The following RPS6KB1 variants were observed in gnomAD, a reference collection of about 807,000 sequenced individuals.
RPS6KB1 encodes ribosomal protein S6 kinase B1.
In RPS6KB1, 12 loss-of-function variants were observed where a neutral mutation model predicts 70.2. That is an observed-to-expected ratio of 0.17 (90% CI 0.11 to 0.28). The LOEUF (loss-of-function observed/expected upper bound fraction) is 0.28, where lower values mean the gene tolerates loss of function less well. Ranked by LOEUF, RPS6KB1 falls within the 10% of genes least tolerant of loss-of-function variation. The probability of loss-of-function intolerance (pLI) is 1.00; values close to 1 mark genes in which losing one functional copy is unlikely to be tolerated. For synonymous variants in RPS6KB1, 175 were observed against 211.2 expected (o/e 0.83, Z 1.49); for missense variants, 270 against 646.6 (o/e 0.42, Z 6.32).
chr17:59,918,601 C>T (rs900694594), intron 4 of RPS6KB1, among the ~76,000 whole-genome samples: 9 of 152,122 alleles, frequency 5.9e-5, no homozygotes, highest in Admixed American at 5.2e-4. Context: ...AACTCCTGAC[C>T]TCAGGCAAAA....
intron 1 of RPS6KB1, among the ~76,000 whole-genome samples, chr17:59,897,089 A>G (rs1475778145): frequency 1.3e-5 from 2 of 152,220 alleles, no homozygotes; most frequent in Non-Finnish European, 2.9e-5. Context: ...AGGCCATATG[A>G]TAGCCAAAGA....
chr17:59,896,916 T>TAA (rs770295990), intron 1 of RPS6KB1, among the ~76,000 whole-genome samples: 5 of 135,826 alleles, frequency 3.7e-5, no homozygotes, highest in African/African-American at 1.3e-4. Context: ...TACCCTGAAA[T>TAA]AAAAAAAAAA....
intron 5 of RPS6KB1, among the ~76,000 whole-genome samples, chr17:59,929,366 A>G (rs537568259): frequency 5.3e-5 from 8 of 152,286 alleles, no homozygotes; most frequent in African/African-American, 1.9e-4. Flanking sequence ...CCCAAAGTGT[A>G]GGGATTACAG....
chr17:59,928,093 G>C (rs1031339810), intron 5 of RPS6KB1, among the ~76,000 whole-genome samples: 22 of 151,878 alleles, frequency 1.4e-4, no homozygotes, highest in Non-Finnish European at 2.9e-4. Flanking sequence ...GGGAGACGGA[G>C]GTTGTGGTGA....
At chr17:59,899,108 G>T (rs904411362) in intron 1 of RPS6KB1, among the ~76,000 whole-genome samples, 2 of 151,762 alleles carry the variant, frequency 1.3e-5, no homozygotes, top group Admixed American at 6.6e-5. Context: ...GGAGGCTGAG[G>T]CAGGAGAATC....
rs973503254 is a variant in RPS6KB1, at chr17:59,893,702, G to T, written c.141+377G>T. ...GGTGTCCCGTAAGTGCAGGCGAAGT[G>T]TGGAGGGTTTCCCTTCGAGTCTAGA... On this transcript the variant is annotated intron_variant, in intron 1 of 14. Coordinates refer to ENST00000225577, the MANE Select transcript of RPS6KB1 (RefSeq NM_003161.4). This position sits in a 1 kb window ranked among gnomAD's most constrained non-coding sequence, Gnocchi z 4.1. 2.2e-6 allele frequency: 2 copies of T among 891,266 alleles called. No individual in the cohort carries two copies. Among genetic ancestry groups the T allele is most frequent in the African/African-American group, 3.6e-5 (2 of 55,642 alleles). The allele number at this position is 891,266 out of a possible 1,614,324, so 55.2% of individuals were successfully genotyped here. A position where few individuals can be genotyped will look rare whatever the true frequency, so the allele number is the denominator to read the frequency against.
At chr17:59,936,995 G>T (rs760082021) in intron 12 of RPS6KB1, among the ~76,000 whole-genome samples, 1 of 152,036 alleles carries the variant, frequency 6.6e-6, no homozygotes, top group Admixed American at 6.6e-5. Flanking sequence ...AAATAGCTAC[G>T]ACTACAGACA....
intron 1 of RPS6KB1, among the ~76,000 whole-genome samples, chr17:59,901,541 G>A (rs924725766): frequency 6.9e-6 from 1 of 144,030 alleles, no homozygotes; most frequent in African/African-American, 2.6e-5. Context: ...TGTAATCCCA[G>A]TACTTTGGGA....
At chr17:59,906,708 G>GTTTT (rs1308442840) in intron 1 of RPS6KB1, among the ~76,000 whole-genome samples, 3 of 151,704 alleles carry the variant, frequency 2.0e-5, no homozygotes, top group African/African-American at 7.3e-5. Context: ...TTGTTTGTTT[G>GTTTT]TTTTGAGATG....
chr17:59,900,922 G>A (rs1184449791), intron 1 of RPS6KB1, among the ~76,000 whole-genome samples: 2 of 151,510 alleles, frequency 1.3e-5, no homozygotes, highest in African/African-American at 2.4e-5. Context: ...AGTACTTTGG[G>A]AGGCCAAGGC....
rs2044982952 is a variant in RPS6KB1, at chr17:59,947,297, T to C, written c.*509T>C. The C allele has an allele frequency of 3.1e-6, 3 of 972,690 alleles. No homozygotes were observed. Among genetic ancestry groups the C allele is most frequent in the Admixed American group, 6.6e-5 (1 of 15,156 alleles). 60.3% of individuals were successfully genotyped at this position (972,690 alleles called of 1,614,324 possible). A position where few individuals can be genotyped will look rare whatever the true frequency, so the allele number is the denominator to read the frequency against. The stretch of plus-strand genomic sequence containing the variant: ...TTTTACGTGCAAACAACCTGAATCT[T>C]TTTTTTATATAAATATATATTTTTC... On this transcript the variant is annotated 3_prime_UTR_variant, in exon 15 of 15. Coordinates refer to ENST00000225577, the MANE Select transcript of RPS6KB1 (RefSeq NM_003161.4).
intron 6 of RPS6KB1, among the ~76,000 whole-genome samples, chr17:59,930,638 T>C (rs1399522481): frequency 6.6e-6 from 1 of 152,196 alleles, no homozygotes; most frequent in Non-Finnish European, 1.5e-5. Context: ...TTTCTAAACA[T>C]GTCATCTGCT....
In RPS6KB1 at chr17:59,936,566, T is replaced by C. The variant is rs947003385; in HGVS notation, c.1119+25T>C. On this transcript the variant is annotated intron_variant, in intron 12 of 14. Transcript: ENST00000225577. ...GGTAAGTATACATGAAAGTGTATAA[T>C]TGGGTGCAGTGGCTCACGCCTGTAA... is the stretch of plus-strand genomic sequence containing the variant. The C allele has an allele frequency of 5.7e-6, 9 of 1,579,894 alleles. No homozygotes were observed. The African/African-American group carries it at 9.4e-5, about 17-fold the overall frequency.
chr17:59,923,092 G>T (rs183644133), intron 4 of RPS6KB1, among the ~76,000 whole-genome samples: 1 of 151,768 alleles, frequency 6.6e-6, no homozygotes, highest in African/African-American at 2.4e-5. Context: ...TTGAACTCCT[G>T]ACCTCATGAT....
intron 1 of RPS6KB1, among the ~76,000 whole-genome samples, chr17:59,899,341 T>C (rs1229865419): frequency 1.3e-5 from 2 of 152,178 alleles, no homozygotes; most frequent in East Asian, 3.8e-4. Context: ...GTGCCTCAAA[T>C]GCTTCTGTCC....
At chr17:59,898,262 G>T (rs942995608) in intron 1 of RPS6KB1, among the ~76,000 whole-genome samples, 1 of 151,968 alleles carries the variant, frequency 6.6e-6, no homozygotes, top group Admixed American at 6.6e-5. Context: ...AAATAATCAC[G>T]CAGGCTTACT....
In RPS6KB1 at chr17:59,934,050, A is replaced by G; in HGVS notation, c.689-120A>G. ...ATGGTACCTTGTTCTTGACATCTGC[A>G]AGAAAATTTGAGGCAAGAAAAGTTA... On this transcript the variant is annotated intron_variant, in intron 7 of 14. Transcript: ENST00000225577. The surrounding 1 kb of genome is among the most constrained non-coding windows in gnomAD (Gnocchi z 4.8). 1.4e-6 allele frequency: 1 copy of G among 717,084 alleles called. No homozygotes were observed. The highest frequency in any genetic ancestry group is 2.5e-6 in the Non-Finnish European group (1 of 406,132). 44.4% of individuals were successfully genotyped at this position (717,084 alleles called of 1,614,324 possible).
intron 7 of RPS6KB1, among the ~76,000 whole-genome samples, chr17:59,933,879 G>A (rs942775101): frequency 6.6e-6 from 1 of 152,140 alleles, no homozygotes; most frequent in African/African-American, 2.4e-5. Flanking sequence ...GGATGGTAGA[G>A]AATTTTGTAT....
intron 4 of RPS6KB1, 69 bp downstream of exon 4, chr17:59,914,772 G>A: frequency 8.6e-7 from 1 of 1,160,518 alleles, no homozygotes; most frequent in Non-Finnish European, 1.3e-6. Context: ...CCAAAAGGCT[G>A]GGAAGCAATC....
Sources: allele counts gnomAD v4.1 joint callset (sites outside exome capture counted in the v4.1 genomes callset), GRCh38; gene constraint gnomAD v4.1.1; non-coding constraint Gnocchi (gnomAD v3.1); transcripts MANE v1.5; gene names NCBI Gene and HGNC (gene_info 2026-07-23, HGNC 2026-07-21).